Variants in RBFOX2 observed in about 807,000 individuals in gnomAD.
RBFOX2 encodes RNA binding fox-1 homolog 2.
Under a neutral mutation model 49.1 loss-of-function variants are expected in RBFOX2, and 10 were observed. The ratio of observed to expected loss-of-function variants is 0.20; its 90% CI spans 0.13 to 0.35. RBFOX2 has a LOEUF of 0.35. Ranked by LOEUF, RBFOX2 falls within the 10% of genes least tolerant of loss-of-function variation. RBFOX2 has a pLI of 1.00. For synonymous variants in RBFOX2, 183 were observed against 187.4 expected (o/e 0.98, Z 0.19); for missense variants, 323 against 486.9 (o/e 0.66, Z 3.17).
In RBFOX2 at chr22:35,877,687, T is replaced by C. The variant is rs548495750; in HGVS notation, c.-34+61160A>G. On this transcript the variant is annotated intron_variant, in intron 1 of 13. Coordinates refer to the RBFOX2 transcript ENST00000359369. ...CTTATCCAATGTCATTCAGACAGAA[T>C]GCATCAGAACCAGATTTGGACCCAG... Among the ~76,000 whole-genome samples, 10 of 152,330 alleles carry C rather than the reference T, an allele frequency of 6.6e-5. No homozygotes were observed. The East Asian group carries it at 1.9e-3, about 29-fold the overall frequency.
At chr22:35,938,499 G>C (rs9622308) in intron 1 of RBFOX2, among the ~76,000 whole-genome samples, 1 of 151,940 alleles carries the variant, frequency 6.6e-6, no homozygotes. Flanking sequence ...TGCAGGCAGG[G>C]GCTAACTGGC....
At chr22:36,018,133 C>G (rs1335138846) in intron 1 of RBFOX2, among the ~76,000 whole-genome samples, 1 of 152,202 alleles carries the variant, frequency 6.6e-6, no homozygotes, top group Admixed American at 6.5e-5. Context: ...TTCTTGACTA[C>G]TTGGGCCCAG....
Position 36,028,232 on chromosome 22 carries a change from G to T in RBFOX2, c.186+8C>A, listed in dbSNP as rs1374046126. The T allele has an allele frequency of 6.7e-7, 1 of 1,502,276 alleles. No homozygotes were observed. Among genetic ancestry groups the T allele is most frequent in the African/African-American group, 1.5e-5 (1 of 68,882 alleles). 93.1% of individuals were successfully genotyped at this position (1,502,276 alleles called of 1,614,324 possible). On this transcript the variant is annotated splice_region_variant and intron_variant, in intron 1 of 13. Coordinates refer to the RBFOX2 transcript ENST00000438146. ...GCAATAACTGGGCGCCCCGTCCCGC[G>T]CGGTCACCTGCATCCCGCCGCCACC... is the stretch of plus-strand genomic sequence containing the variant.
chr22:35,845,489 C>G (rs1193346068), upstream of RBFOX2, among the ~76,000 whole-genome samples: 2 of 151,996 alleles, frequency 1.3e-5, no homozygotes, highest in East Asian at 3.9e-4. Flanking sequence ...TCCTGTTCCC[C>G]AAAGTCAAAC....
At chr22:35,743,603 A>G (rs1262697080) in exon 12 of RBFOX2, 1 of 152,476 alleles carries the variant, frequency 6.6e-6, no homozygotes, top group East Asian at 1.9e-4. Context: ...AGGAGGGAAG[A>G]GGAGAGGAAA....
chr22:35,896,612 G>C (rs1057475490), intron 1 of RBFOX2, among the ~76,000 whole-genome samples: 1 of 152,146 alleles, frequency 6.6e-6, no homozygotes, highest in Admixed American at 6.5e-5. Context: ...CTTCCTCTTA[G>C]GGTAGAAATA....
intron 1 of RBFOX2, among the ~76,000 whole-genome samples, chr22:35,904,254 T>C (rs1285238956): frequency 6.6e-6 from 1 of 152,214 alleles, no homozygotes; most frequent in African/African-American, 2.4e-5. Context: ...CCGTACTCTC[T>C]GTTACTGTGC....
intron 1 of RBFOX2, among the ~76,000 whole-genome samples, chr22:35,871,859 C>T (rs751232482): frequency 1.4e-4 from 22 of 152,082 alleles, no homozygotes; most frequent in Non-Finnish European, 2.6e-4. Flanking sequence ...AATGAGGTAT[C>T]GAATTATTTG....
intron 1 of RBFOX2, among the ~76,000 whole-genome samples, chr22:35,818,171 T>C (rs529613583): frequency 6.6e-6 from 1 of 152,328 alleles, no homozygotes; most frequent in East Asian, 1.9e-4. Flanking sequence ...TCCAACCTCT[T>C]AAAAGCTCTT....
chr22:35,860,220 G>C (rs2042957612), intron 1 of RBFOX2, among the ~76,000 whole-genome samples: 1 of 152,106 alleles, frequency 6.6e-6, no homozygotes, highest in Non-Finnish European at 1.5e-5. Flanking sequence ...GGCTTGACAG[G>C]TGCCTGTTCA....
intron 1 of RBFOX2, among the ~76,000 whole-genome samples, chr22:35,937,092 C>T (rs1013752023): frequency 6.6e-6 from 1 of 152,182 alleles, no homozygotes; most frequent in Non-Finnish European, 1.5e-5. Context: ...GACTGTAGTT[C>T]TCAACCGCAC....
At chr22:35,934,413 A>G (rs1160276539) in intron 1 of RBFOX2, among the ~76,000 whole-genome samples, 1 of 152,206 alleles carries the variant, frequency 6.6e-6, no homozygotes, top group Non-Finnish European at 1.5e-5. Context: ...CACTTTGGTT[A>G]AGAAAACACT....
intron 1 of RBFOX2, among the ~76,000 whole-genome samples, chr22:35,968,275 T>A (rs917178813): frequency 7.2e-5 from 11 of 152,246 alleles, no homozygotes; most frequent in Non-Finnish European, 1.5e-4. Context: ...TCAACCAATT[T>A]AGATGAGCAA....
At chr22:36,010,651 T>C (rs1006352421) in intron 1 of RBFOX2, among the ~76,000 whole-genome samples, 1 of 151,970 alleles carries the variant, frequency 6.6e-6, no homozygotes, top group Non-Finnish European at 1.5e-5. Context: ...TGGAAGTCTA[T>C]AAAGATTAAC....
At chr22:36,014,109 C>A (rs898687351) in intron 1 of RBFOX2, among the ~76,000 whole-genome samples, 1 of 151,166 alleles carries the variant, frequency 6.6e-6, no homozygotes, top group Non-Finnish European at 1.5e-5. Flanking sequence ...CAGGATGATA[C>A]CTATTATCAT....
intron 2 of RBFOX2, among the ~76,000 whole-genome samples, chr22:35,801,785 A>G (rs1488148764): frequency 6.6e-6 from 1 of 152,182 alleles, no homozygotes; most frequent in Non-Finnish European, 1.5e-5. Flanking sequence ...AGATCACGCC[A>G]CTGCACTCCA....
chr22:35,922,667 C>G (rs763490545), intron 1 of RBFOX2, among the ~76,000 whole-genome samples: 1 of 151,646 alleles, frequency 6.6e-6, no homozygotes, highest in Non-Finnish European at 1.5e-5. Flanking sequence ...GCTAAGATAG[C>G]TTTTACATCT....
intron 1 of RBFOX2, among the ~76,000 whole-genome samples, chr22:36,019,390 A>G (rs185519540): frequency 6.6e-6 from 1 of 152,318 alleles, no homozygotes; most frequent in Non-Finnish European, 1.5e-5. Context: ...CACTTAATCA[A>G]TCAGAAGCAC....
chr22:35,910,435 A>G (rs534600013), intron 1 of RBFOX2, among the ~76,000 whole-genome samples: 1 of 152,372 alleles, frequency 6.6e-6, no homozygotes, highest in South Asian at 2.1e-4. Flanking sequence ...TGTCAGAGAT[A>G]GGTAGCTGAC....
Sources: allele counts gnomAD v4.1 joint callset (sites outside exome capture counted in the v4.1 genomes callset), GRCh38; gene constraint gnomAD v4.1.1; transcripts MANE v1.5; gene names NCBI Gene and HGNC (gene_info 2026-07-23, HGNC 2026-07-21).